The following PGBD2 variants were observed in gnomAD, a reference collection of about 807,000 sequenced individuals.
The protein encoded by PGBD2 is piggyBac transposable element-derived protein 2.
A neutral mutation model predicts 8.1 loss-of-function variants in PGBD2; 6 were observed. That is an observed-to-expected ratio of 0.74 (90% confidence interval 0.40 to 1.46). The LOEUF is 1.46. Among genes scored for constraint, PGBD2 ranks in the 40% most tolerant of loss-of-function variants. The pLI is 0.02. For synonymous variants in PGBD2, 318 were observed against 272.2 expected, an observed-to-expected ratio of 1.17 and a Z score of -1.66; for missense variants, 802 against 739.0, an observed-to-expected ratio of 1.09 and a Z score of -0.99.
chr1:248,914,683 T>C, intron 2 of PGBD2: 1 of 1,048,928 alleles, frequency 9.5e-7, no homozygotes, highest in South Asian at 1.4e-5. Flanking sequence ...GTGCCTACCC[T>C]CCATGCTGAG....
chr1:248,926,174 G>C, the PGBD2 span, among the ~76,000 whole-genome samples: 1 of 152,042 alleles, frequency 6.6e-6, no homozygotes, highest in African/African-American at 2.4e-5. Context: ...GCAGGGACAC[G>C]TGTTGTTCTA....
chr1:248,923,845 G>A (rs1174821706), downstream of PGBD2, among the ~76,000 whole-genome samples: 1 of 152,188 alleles, frequency 6.6e-6, no homozygotes. Flanking sequence ...GAGAATTCTG[G>A]CTGGAGTTAC....
chr1:248,889,724 G>A, the PGBD2 span, among the ~76,000 whole-genome samples: 2 of 152,170 alleles, frequency 1.3e-5, no homozygotes, highest in Admixed American at 1.3e-4. Context: ...GTAAAACAGT[G>A]GGCCTTAATA....
chr1:248,927,399 G>A, the PGBD2 span, among the ~76,000 whole-genome samples: 4 of 152,210 alleles, frequency 2.6e-5, no homozygotes, highest in African/African-American at 9.7e-5. Context: ...GTCGATTGTG[G>A]TAGAGTTGTG....
At chr1:248,919,347 G>A (rs1455291942), downstream of PGBD2, 1 of 166,486 alleles carries the variant, frequency 6.0e-6, no homozygotes, top group Non-Finnish European at 1.5e-5. Flanking sequence ...AAGTTTGTCT[G>A]TCTTTGCTTG....
chr1:248,886,205 A>T, the PGBD2 span, among the ~76,000 whole-genome samples: 1 of 152,228 alleles, frequency 6.6e-6, no homozygotes, highest in African/African-American at 2.4e-5. Flanking sequence ...TTTCAGGAAG[A>T]TTTACATTTT....
the PGBD2 span, among the ~76,000 whole-genome samples, chr1:248,890,494 C>T: frequency 6.6e-6 from 1 of 152,142 alleles, no homozygotes. Context: ...TGCCTGGCTC[C>T]TGACTATTCT....
At chr1:248,903,919 T>C (rs996551849), upstream of PGBD2, among the ~76,000 whole-genome samples, 2 of 152,210 alleles carry the variant, frequency 1.3e-5, no homozygotes, top group Non-Finnish European at 2.9e-5. Flanking sequence ...TCATCAACCA[T>C]AAGGTGTTAT....
chr1:248,920,319 T>G, downstream of PGBD2, among the ~76,000 whole-genome samples: 1 of 148,176 alleles, frequency 6.7e-6, no homozygotes. Flanking sequence ...CCCTGACAGG[T>G]CCTGGTATGA....
At position 248,919,037 on chromosome 1, in the gene PGBD2, C is replaced by T. The variant is rs997748167; in HGVS notation, c.*674C>T. 10 of 166,914 alleles carry T rather than the reference C, an allele frequency of 6.0e-5. No homozygotes were observed. The highest frequency in any genetic ancestry group is 2.4e-4 in the African/African-American group (10 of 41,388). 10.3% of individuals were successfully genotyped at this position (166,914 alleles called of 1,614,324 possible). Reference sequence around the variant, plus strand: ...AACATGCAATGTATAAAAATCACATCAGGGTAAATGGGGTATCCATCTTGT... The same window carrying T: ...AACATGCAATGTATAAAAATCACATTAGGGTAAATGGGGTATCCATCTTGT... On this transcript the variant is annotated 3_prime_UTR_variant, in exon 3 of 3. Transcript: ENST00000329291.
At chr1:248,879,047 A>G in the PGBD2 span, among the ~76,000 whole-genome samples, 1 of 152,166 alleles carries the variant, frequency 6.6e-6, no homozygotes, top group African/African-American at 2.4e-5. Flanking sequence ...TTTAAATTTG[A>G]TGTCGTTACC....
chr1:248,893,041 G>GT, the PGBD2 span, among the ~76,000 whole-genome samples: 1 of 152,162 alleles, frequency 6.6e-6, no homozygotes, highest in East Asian at 1.9e-4. Flanking sequence ...TACTCTATAT[G>GT]TTTTACCTTT....
rs546438319 is a variant in PGBD2, at chr1:248,915,513, A to G, written c.18-1089A>G. On this transcript the variant is annotated intron_variant, in intron 2 of 2. Transcript: ENST00000329291. ...GTTCTGAGCACGATTAAGGTAGGCT[A>G]GGCTACACTACGATGTTTGGTAGGT... Among the ~76,000 whole-genome samples the G allele has an allele frequency of 4.6e-5, 7 of 152,378 alleles. No individual in the cohort carries two copies. The East Asian group carries it at 1.3e-3, about 29-fold the overall frequency.
chr1:248,898,011 C>T, the PGBD2 span, among the ~76,000 whole-genome samples: 1 of 151,894 alleles, frequency 6.6e-6, no homozygotes, highest in African/African-American at 2.4e-5. Context: ...CCCATTCCTC[C>T]TCACTGGGTG....
upstream of PGBD2, among the ~76,000 whole-genome samples, chr1:248,903,420 C>T (rs1050107460): frequency 6.6e-6 from 1 of 152,120 alleles, no homozygotes; most frequent in Admixed American, 6.6e-5. Context: ...AACTCTTGGC[C>T]TCAGGCGATT....
upstream of PGBD2, among the ~76,000 whole-genome samples, chr1:248,904,539 C>G (rs1461145702): frequency 6.6e-6 from 1 of 152,132 alleles, no homozygotes; most frequent in African/African-American, 2.4e-5. Flanking sequence ...GAAGAAACAG[C>G]CAGCAAGCAC....
intron 1 of PGBD2, 40 bp downstream of exon 1, chr1:248,906,382 T>C (rs1252437527): frequency 6.6e-6 from 1 of 151,886 alleles, no homozygotes; most frequent in Admixed American, 6.6e-5. Flanking sequence ...AGGGCTTCGC[T>C]TGAGTACAGG....
the PGBD2 span, among the ~76,000 whole-genome samples, chr1:248,876,779 A>T: frequency 6.6e-6 from 1 of 152,232 alleles, no homozygotes; most frequent in African/African-American, 2.4e-5. Context: ...TCTCTGAAAT[A>T]AAAGTTTGGA....
chr1:248,893,703 G>A, the PGBD2 span, among the ~76,000 whole-genome samples: 1 of 152,154 alleles, frequency 6.6e-6, no homozygotes, highest in Non-Finnish European at 1.5e-5. Context: ...ATCAATGGGA[G>A]TGCAAATACC....
Sources: allele counts gnomAD v4.1 joint callset (sites outside exome capture counted in the v4.1 genomes callset), GRCh38; gene constraint gnomAD v4.1.1; transcripts MANE v1.5; gene names NCBI Gene and HGNC (gene_info 2026-07-23, HGNC 2026-07-21).